The following GRIA4 variants were observed in gnomAD, a reference collection of about 807,000 sequenced individuals.
GRIA4 encodes the protein glutamate receptor 4.
Under a neutral mutation model 104.0 loss-of-function variants are expected in GRIA4, and 34 were observed. The ratio of observed to expected loss-of-function variants is 0.33; its 90% CI spans 0.25 to 0.44. GRIA4 has a LOEUF of 0.44. GRIA4 is among the 20% of genes least tolerant of loss of function. The pLI is 1.00. For synonymous variants in GRIA4, 386 were observed against 381.9 expected (o/e 1.01, Z -0.13); for missense variants, 750 against 1,096.5 (o/e 0.68, Z 4.46).
chr11:105,616,515 T>A (rs1565404143), intron 3 of GRIA4, among the ~76,000 whole-genome samples: 1 of 151,754 alleles, frequency 6.6e-6, no homozygotes, highest in Non-Finnish European at 1.5e-5. Flanking sequence ...AAGTAGGTAC[T>A]TAATAAAAAC....
chr11:105,731,927 A>G (rs900321862), intron 3 of GRIA4, among the ~76,000 whole-genome samples: 1 of 152,158 alleles, frequency 6.6e-6, no homozygotes, highest in Non-Finnish European at 1.5e-5. Context: ...CCTAATGTAG[A>G]TGATGGGTCG....
At chr11:105,832,106 G>C (rs548428392) in intron 4 of GRIA4, among the ~76,000 whole-genome samples, 9 of 151,872 alleles carry the variant, frequency 5.9e-5, no homozygotes, top group Admixed American at 2.0e-4. Context: ...AAGTAAAACA[G>C]GTTTGGGAAG....
Position 105,753,037 on chromosome 11 carries a change from T to A in GRIA4, c.304T>A (p.Ser102Thr). 1 of 1,613,314 alleles carries A rather than the reference T, an allele frequency of 6.2e-7. No homozygotes were observed. The highest frequency in any genetic ancestry group is 8.5e-7 in the Non-Finnish European group (1 of 1,179,392). Residue 102 changes from serine (S) to threonine (T), a missense_variant, in exon 4 of 17, where the codon TCG becomes ACG. Around this residue, in one of 3 missense-constraint regions of GRIA4, gnomAD observed 410 missense variants for 502.7 expected, o/e 0.82. Transcript: ENST00000282499. Reference sequence around the variant, plus strand: ...CATTTTTGGACTCTATGATAAGAGGTCGGTACATACCTTGACCTCATTCTG... The same window carrying A: ...CATTTTTGGACTCTATGATAAGAGGACGGTACATACCTTGACCTCATTCTG... ...FAIFGLYDKR[S>T]VHTLTSFCSA...
At chr11:105,787,676 C>T (rs919558668) in intron 4 of GRIA4, among the ~76,000 whole-genome samples, 2 of 92 alleles carry the variant, frequency 0.022, no homozygotes, top group African/African-American at 0.045. Flanking sequence ...GGTGTTTCAC[C>T]ATGTTGCCAG....
At chr11:105,958,822 C>T (rs542590333) in intron 14 of GRIA4, among the ~76,000 whole-genome samples, 1 of 152,288 alleles carries the variant, frequency 6.6e-6, no homozygotes, top group South Asian at 2.1e-4. Context: ...CAAAATCCCT[C>T]AGCATTTGCT....
rs535722375 is a variant in GRIA4, at chr11:105,878,557, G to A, written c.673-8962G>A. On this transcript the variant is annotated intron_variant, in intron 5 of 16. Coordinates refer to ENST00000282499, the MANE Select transcript of GRIA4 (RefSeq NM_000829.4). ...GGTTCTCTGTCACAGGGAGATGGGA[G>A]TTTTACCTATAAGCTCATGACTGGC... Among the ~76,000 whole-genome samples, 8 of 152,350 alleles carry A rather than the reference G, an allele frequency of 5.3e-5. No homozygotes were observed. The South Asian group carries it at 1.7e-3, about 32-fold the overall frequency.
At chr11:105,626,414 T>G (rs1565412817) in intron 3 of GRIA4, among the ~76,000 whole-genome samples, 1 of 152,078 alleles carries the variant, frequency 6.6e-6, no homozygotes, top group Non-Finnish European at 1.5e-5. Context: ...GAAAATCAAA[T>G]TGAGATACAC....
At chr11:105,900,869 C>T (rs911995347) in intron 7 of GRIA4, among the ~76,000 whole-genome samples, 3 of 152,114 alleles carry the variant, frequency 2.0e-5, no homozygotes, top group Non-Finnish European at 4.4e-5. Context: ...TGAGCCACTG[C>T]GCCTGGCCCA....
intron 3 of GRIA4, among the ~76,000 whole-genome samples, chr11:105,693,410 A>T (rs1953157832): frequency 6.6e-6 from 1 of 152,286 alleles, no homozygotes; most frequent in South Asian, 2.1e-4. Flanking sequence ...AGTGGTTTCG[A>T]TTGTGAAAAT....
chr11:105,742,630 A>ATG (rs1383470021), intron 3 of GRIA4, among the ~76,000 whole-genome samples: 4 of 152,102 alleles, frequency 2.6e-5, no homozygotes, highest in Non-Finnish European at 4.4e-5. Context: ...ATGTATATAT[A>ATG]TAGCCTCTCT....
chr11:105,915,362 TGACCTGATG>T (rs1947369908), intron 10 of GRIA4, among the ~76,000 whole-genome samples: 1 of 152,012 alleles, frequency 6.6e-6, no homozygotes, highest in Non-Finnish European at 1.5e-5. Context: ...AGGAAAACAA[TGACCTGATG>T]GACCCCTGCT....
At chr11:105,651,541 G>A (rs1339137915) in intron 3 of GRIA4, among the ~76,000 whole-genome samples, 1 of 152,104 alleles carries the variant, frequency 6.6e-6, no homozygotes, top group African/African-American at 2.4e-5. Flanking sequence ...TATTTGGGAT[G>A]TAACTGGCTG....
intron 4 of GRIA4, among the ~76,000 whole-genome samples, chr11:105,825,571 G>T (rs1381504973): frequency 6.6e-6 from 1 of 152,064 alleles, no homozygotes; most frequent in African/African-American, 2.4e-5. Context: ...CTATGCCTCA[G>T]ATATTCAGTT....
At chr11:105,708,968 A>C (rs529726322) in intron 3 of GRIA4, among the ~76,000 whole-genome samples, 9 of 152,222 alleles carry the variant, frequency 5.9e-5, no homozygotes, top group Admixed American at 5.9e-4. Context: ...TGGACATTCC[A>C]AGAACATTCC....
intron 3 of GRIA4, among the ~76,000 whole-genome samples, chr11:105,625,999 T>C (rs1488403833): frequency 6.6e-6 from 1 of 152,180 alleles, no homozygotes; most frequent in African/African-American, 2.4e-5. Flanking sequence ...ATTATCCATA[T>C]TGCTGATTAA....
intron 14 of GRIA4, among the ~76,000 whole-genome samples, chr11:105,940,633 A>G (rs1288589484): frequency 6.6e-6 from 1 of 152,144 alleles, no homozygotes; most frequent in African/African-American, 2.4e-5. Flanking sequence ...ATGCAGTTTT[A>G]TGCTAATGAT....
At chr11:105,861,476 A>C (rs954524853) in intron 4 of GRIA4, among the ~76,000 whole-genome samples, 9 of 152,176 alleles carry the variant, frequency 5.9e-5, no homozygotes, top group African/African-American at 2.2e-4. Flanking sequence ...TGAGAGAGGA[A>C]GAGTTAAATA....
intron 6 of GRIA4, among the ~76,000 whole-genome samples, chr11:105,897,051 T>G (rs906975450): frequency 6.6e-6 from 1 of 152,186 alleles, no homozygotes; most frequent in African/African-American, 2.4e-5. Flanking sequence ...GCATGGGATG[T>G]TTTTCCATTT....
At chr11:105,837,060 A>G (rs1451790761) in intron 4 of GRIA4, among the ~76,000 whole-genome samples, 3 of 144,918 alleles carry the variant, frequency 2.1e-5, no homozygotes, top group African/African-American at 7.4e-5. Context: ...GAAGAGGCAC[A>G]TCTTACATAA....
Sources: allele counts gnomAD v4.1 joint callset (sites outside exome capture counted in the v4.1 genomes callset), GRCh38; gene constraint gnomAD v4.1.1; regional missense constraint gnomAD v4.1.1; transcripts MANE v1.5; gene names NCBI Gene and HGNC (gene_info 2026-07-23, HGNC 2026-07-21).